The following DUS3L variants were observed in gnomAD, a reference collection of about 807,000 sequenced individuals.
DUS3L encodes the protein tRNA-dihydrouridine(47) synthase [NAD(P)(+)]-like.
In DUS3L, 62 loss-of-function variants were observed where a neutral mutation model predicts 74.6. That is an observed-to-expected ratio of 0.83 (90% CI 0.68 to 1.03). The LOEUF (loss-of-function observed/expected upper bound fraction) is 1.03. DUS3L is among the 50% of genes least tolerant of loss of function. The pLI is 0.00. For missense variants in DUS3L, 884 were observed against 924.4 expected, an observed-to-expected ratio of 0.96 and a Z score of 0.57; for synonymous variants, 433 against 395.7, an observed-to-expected ratio of 1.09 and a Z score of -1.12.
Position 5,789,253 on chromosome 19 carries a change from A to AG in DUS3L, c.853dup (p.Leu285ProfsTer4). On this transcript the variant is annotated frameshift_variant, in exon 3 of 13. Coordinates refer to ENST00000309061, the MANE Select transcript of DUS3L (RefSeq NM_020175.3). LOFTEE classifies it high-confidence loss of function. ...CAGCCTGACCACGTCCTCATCCGTCAGGGGCCCGCAGGTCCGCACGGGGCT... is the reference window on the plus strand; with the variant it reads ...CAGCCTGACCACGTCCTCATCCGTCAGGGGGCCCGCAGGTCCGCACGGGGCT... 1 of 1,569,752 alleles carries AG rather than the reference A, an allele frequency of 6.4e-7. No individual in the cohort carries two copies. Among genetic ancestry groups the AG allele is most frequent in the Non-Finnish European group, 8.6e-7 (1 of 1,160,898 alleles).
At chr19:5,789,802 C>A in intron 2 of DUS3L, 83 bp from the exon 3 acceptor site, 1 of 1,512,926 alleles carries the variant, frequency 6.6e-7, no homozygotes, top group Non-Finnish European at 8.9e-7. Context: ...TCTAGATCAC[C>A]CCTCCTGGCT....
At position 5,785,805 on chromosome 19, in the gene DUS3L, G is replaced by A; in HGVS notation, c.1563-14C>T. On this transcript the variant is annotated splice_polypyrimidine_tract_variant and intron_variant, in intron 10 of 12. Transcript: ENST00000309061. Reference sequence around the variant, plus strand: ...AGCAGGGCGCCACTGTGGGACGGGTGACGATCAGTGGGCCCAGCCACCAGC... The same window carrying A: ...AGCAGGGCGCCACTGTGGGACGGGTAACGATCAGTGGGCCCAGCCACCAGC... 6.4e-7 allele frequency: 1 copy of A among 1,566,146 alleles called. No individual in the cohort carries two copies. Among genetic ancestry groups the A allele is most frequent in the Non-Finnish European group, 8.7e-7 (1 of 1,155,496 alleles).
rs1237764684 is a variant in DUS3L at position 5,790,682 on chromosome 19, C to A, written c.99-347G>T. On this transcript the variant is annotated intron_variant, in intron 1 of 12. Coordinates refer to ENST00000309061, the MANE Select transcript of DUS3L (RefSeq NM_020175.3). ...CTTTCGGCCCTTCAAACACCGCAGGCCCCAGCACGCCCCGCGGCACTCGCT... is the reference window on the plus strand; with the variant it reads ...CTTTCGGCCCTTCAAACACCGCAGGACCCAGCACGCCCCGCGGCACTCGCT... 3 of 538,398 alleles carry A rather than the reference C, an allele frequency of 5.6e-6. No homozygotes were observed. The African/African-American group carries it at 5.7e-5, about 10-fold the overall frequency. 33.4% of individuals were successfully genotyped at this position (538,398 alleles called of 1,614,324 possible). A position where few individuals can be genotyped will look rare whatever the true frequency, so the allele number is the denominator to read the frequency against.
rs567094563 is a variant in DUS3L at position 5,785,988 on chromosome 19, C to T, written c.1563-197G>A. The T allele has an allele frequency of 1.2e-4, 77 of 625,320 alleles. No individual in the cohort carries two copies. The African/African-American group carries it at 1.3e-3, about 11-fold the overall frequency. The allele number at this position is 625,320 out of a possible 1,614,324, so 38.7% of individuals were successfully genotyped here. On this transcript the variant is annotated intron_variant, in intron 10 of 12. Coordinates refer to ENST00000309061, the MANE Select transcript of DUS3L (RefSeq NM_020175.3). ...TTTCTGAGACGGAGTCTGGCTCTGT[C>T]GCCCAGGCTGGGGTGCAGTGGTAAG... is the stretch of plus-strand genomic sequence containing the variant.
At chr19:5,786,147 C>T in intron 10 of DUS3L, 2 of 464,056 alleles carry the variant, frequency 4.3e-6, no homozygotes, top group South Asian at 6.3e-5. Flanking sequence ...AGATGTTTCA[C>T]CATGTTGGTC....
rs2056889853 is a variant in DUS3L at position 5,789,604 on chromosome 19, A to C, written c.503T>G (p.Phe168Cys). Residue 168 changes from phenylalanine (F) to cysteine (C), a missense_variant, in exon 3 of 13, where the codon TTC becomes TGC. Coordinates refer to ENST00000309061, the MANE Select transcript of DUS3L (RefSeq NM_020175.3). The part of the protein sequence containing the change: ...LGPRCVLFET[F>C]GRCPYGVTCR... ...GGTCACGCCGTAGGGGCACCGGCCG[A>C]AGGTCTCGAAGAGCACGCAGCGGGG... 1 of 1,591,426 alleles carries C rather than the reference A, an allele frequency of 6.3e-7. No individual in the cohort carries two copies. Among genetic ancestry groups the C allele is most frequent in the Non-Finnish European group, 8.5e-7 (1 of 1,171,294 alleles).
chr19:5,787,180 C>CGGGAGGTGGTGGGAGACGGTGGGA lies in DUS3L; in HGVS notation c.1279-10_1279-9insTCCCACCGTCTCCCACCACCTCCC, dbSNP rs2056852763. ...AGCGGCACATCCAGCACCTACAGGA[C>CGGGAGGTGGTGGGAGACGGTGGGA]GGTGGTGGGAGGTGGTGGGAGATGG... is the stretch of plus-strand genomic sequence containing the variant. On this transcript the variant is annotated splice_polypyrimidine_tract_variant and intron_variant, in intron 7 of 12. Transcript: ENST00000309061. 1.4e-5 allele frequency: 1 copy of CGGGAGGTGGTGGGAGACGGTGGGA among 73,862 alleles called. No individual in the cohort carries two copies. Among genetic ancestry groups the CGGGAGGTGGTGGGAGACGGTGGGA allele is most frequent in the Non-Finnish European group, 1.8e-5 (1 of 56,918 alleles). The allele number at this position is 73,862 out of a possible 1,614,324, so 4.6% of individuals were successfully genotyped here.
intron 5 of DUS3L, 34 bp downstream of exon 5, chr19:5,787,990 C>T: frequency 6.2e-7 from 1 of 1,607,824 alleles, no homozygotes; most frequent in Non-Finnish European, 8.5e-7. Flanking sequence ...GCCGAGGGCC[C>T]CTCCACTCTC....
At position 5,787,093 on chromosome 19, in the gene DUS3L, C is replaced by T. The variant is rs200981144; in HGVS notation, c.1357G>A (p.Glu453Lys). 2.3e-4 allele frequency: 267 copies of T among 1,159,216 alleles called. No individual in the cohort carries two copies. In the East Asian group the frequency reaches 3.3e-3, roughly 14 times the overall value. The allele number at this position is 1,159,216 out of a possible 1,614,324, so 71.8% of individuals were successfully genotyped here. Residue 453 changes from glutamate (E) to lysine (K), a missense_variant, in exon 8 of 13, where the codon GAG (glutamate) becomes AAG (lysine). Coordinates refer to ENST00000309061, the MANE Select transcript of DUS3L (RefSeq NM_020175.3). ...RVNLAHRLLP[E>K]LRDWGVALVT... ...AGTGCCACGCCCCAGTCCCGCAGCT[C>T]GGGCAGCAGGCGGTGCGCCAGGTTC...
chr19:5,788,070 C>T lies in DUS3L; in HGVS notation c.1049G>A (p.Trp350Ter). 6.2e-7 allele frequency: 1 copy of T among 1,613,760 alleles called. No individual in the cohort carries two copies. Among genetic ancestry groups the T allele is most frequent in the Non-Finnish European group, 8.5e-7 (1 of 1,180,014 alleles). The stretch of plus-strand genomic sequence containing the variant: ...ACACTGGTGGCGTTTGAGTAGGGCC[C>T]ACTCGGACATCTGGCCCTGCAGCAG... Reference protein sequence around the residue: ...TNLLQGQMSEWALLKRHQCED... With the variant: ...TNLLQGQMSE The change falls in exon 5 of 13, where the codon TGG becomes TAG. Residue 350 changes from tryptophan to a stop codon, truncating the protein, a stop_gained. Coordinates refer to ENST00000309061, the MANE Select transcript of DUS3L (RefSeq NM_020175.3). LOFTEE classifies it high-confidence loss of function.
Position 5,785,866 on chromosome 19 carries a change from T to C in DUS3L, c.1563-75A>G, listed in dbSNP as rs747356879. 161 of 1,434,428 alleles carry C rather than the reference T, an allele frequency of 1.1e-4. No homozygotes were observed. In the Middle Eastern group the frequency reaches 1.5e-3, roughly 14 times the overall value. The allele number at this position is 1,434,428 out of a possible 1,614,324, so 88.9% of individuals were successfully genotyped here. A position where few individuals can be genotyped will look rare whatever the true frequency, so the allele number is the denominator to read the frequency against. ...TCGTGTGGCCTCTGCTTCCATGGCC[T>C]GGCCTGAGCCGGAGCCCAGACCACA... On this transcript the variant is annotated intron_variant, in intron 10 of 12. Transcript: ENST00000309061.
At position 5,789,188 on chromosome 19, in the gene DUS3L, C is replaced by T. The variant is rs2056883894; in HGVS notation, c.900+19G>A. 1.3e-6 allele frequency: 2 copies of T among 1,515,004 alleles called. No homozygotes were observed. The highest frequency in any genetic ancestry group is 2.8e-5 in the African/African-American group (2 of 70,754). The allele number at this position is 1,515,004 out of a possible 1,614,324, so 93.8% of individuals were successfully genotyped here. On this transcript the variant is annotated intron_variant, in intron 3 of 12. Coordinates refer to ENST00000309061, the MANE Select transcript of DUS3L (RefSeq NM_020175.3). Reference sequence around the variant, plus strand: ...ACCAGATGGACAGATCTGCTACTGACGTTGTCCTCAACACGTACCCGCTTC... The same window carrying T: ...ACCAGATGGACAGATCTGCTACTGATGTTGTCCTCAACACGTACCCGCTTC...
At chr19:5,787,987 G>A (rs748495273) in intron 5 of DUS3L, 37 bp downstream of exon 5, 4 of 1,606,446 alleles carry the variant, frequency 2.5e-6, no homozygotes, top group Admixed American at 1.7e-5. Context: ...ACGGCCGAGG[G>A]CCCCTCCACT....
chr19:5,786,921 T>C, intron 8 of DUS3L, 76 bp from the exon 9 acceptor site: 1 of 1,516,284 alleles, frequency 6.6e-7, no homozygotes. Flanking sequence ...AGAGCCAGGC[T>C]GAGAGAGACA....
rs777075956 is a variant in DUS3L, at chr19:5,786,779, C to A, written c.1456G>T (p.Val486Leu). The A allele has an allele frequency of 1.2e-6, 2 of 1,612,172 alleles. No homozygotes were observed. Among genetic ancestry groups the A allele is most frequent in the Non-Finnish European group, 1.7e-6 (2 of 1,179,810 alleles). Residue 486 changes from valine to leucine, a missense_variant, in exon 9 of 13, where the codon GTG (valine) becomes TTG (leucine). Coordinates refer to ENST00000309061, the MANE Select transcript of DUS3L (RefSeq NM_020175.3). The stretch of plus-strand genomic sequence containing the variant: ...AGGGGCATGGGGCTGGCGGCCTGCA[C>A]GCACTCCTCGATGTACTGCCAGTCG... ...LADWQYIEEC[V>L]QAASPMPLFG...
chr19:5,786,818 A>T lies in DUS3L; in HGVS notation c.1417T>A (p.Tyr473Asn). The change falls in exon 9 of 13, where the codon TAC becomes AAC. Residue 473 changes from tyrosine (Y) to asparagine (N), a missense_variant. Tyr to Asn is a moderately radical substitution (Grantham distance 143). Transcript: ENST00000309061. The stretch of plus-strand genomic sequence containing the variant: ...TACTGCCAGTCGGCTAGCTTGGTGT[A>T]GCGCTGCTCCCGAGAGCGGCCGTGG... ...TLHGRSREQRYTKLADWQYIE... is the reference protein window; with the variant it reads ...TLHGRSREQRNTKLADWQYIE... The T allele has an allele frequency of 6.2e-7, 1 of 1,611,366 alleles. No individual in the cohort carries two copies. Among genetic ancestry groups the T allele is most frequent in the Non-Finnish European group, 8.5e-7 (1 of 1,179,510 alleles).
At chr19:5,789,924 G>T in intron 2 of DUS3L, 123 bp downstream of exon 2, 1 of 1,374,674 alleles carries the variant, frequency 7.3e-7, no homozygotes, top group Non-Finnish European at 9.9e-7. Context: ...AGACGGAATG[G>T]CATCAGAGCA....
intron 3 of DUS3L, 156 bp downstream of exon 3, chr19:5,789,051 G>C: frequency 8.5e-7 from 1 of 1,172,310 alleles, no homozygotes; most frequent in Non-Finnish European, 1.1e-6. Context: ...CTGGGCCCAG[G>C]ACAGAGCACA....
chr19:5,789,638 C>T lies in DUS3L; in HGVS notation c.469G>A (p.Asp157Asn), dbSNP rs2144737710. 1 of 1,606,032 alleles carries T rather than the reference C, an allele frequency of 6.2e-7. No individual in the cohort carries two copies. Among genetic ancestry groups the T allele is most frequent in the Non-Finnish European group, 8.5e-7 (1 of 1,177,486 alleles). The change falls in exon 3 of 13, where the codon GAC becomes AAC. Residue 157 changes from aspartate to asparagine, a missense_variant. Physicochemically the swap from Asp to Asn is conservative, Grantham distance 23. Transcript: ENST00000309061. Reference sequence around the variant, plus strand: ...AAGAGCACGCAGCGGGGGCCCAGGTCGGCCGGCTTGGTCTCCAGGTAGCGC... The same window carrying T: ...AAGAGCACGCAGCGGGGGCCCAGGTTGGCCGGCTTGGTCTCCAGGTAGCGC... ...VGRYLETKPADLGPRCVLFET... is the reference protein window; with the variant it reads ...VGRYLETKPANLGPRCVLFET...
Sources: allele counts gnomAD v4.1 joint callset, GRCh38; gene constraint gnomAD v4.1.1; transcripts MANE v1.5; gene names NCBI Gene and HGNC (gene_info 2026-07-23, HGNC 2026-07-21).